The following CEP83 variants were observed in gnomAD, a reference collection of about 807,000 sequenced individuals.
CEP83 encodes the protein centrosomal protein 83, also known as centrosomal protein of 83 kDa.
A neutral mutation model predicts 101.9 loss-of-function variants in CEP83; 70 were observed. That is an observed-to-expected ratio of 0.69 (90% CI 0.57 to 0.84). CEP83 has a LOEUF of 0.84. Ranked by LOEUF, CEP83 falls within the 40% of genes least tolerant of loss-of-function variation. The pLI is 0.00. For synonymous variants in CEP83, 264 were observed against 267.9 expected, an observed-to-expected ratio of 0.99 and a Z score of 0.14; for missense variants, 715 against 787.2, an observed-to-expected ratio of 0.91 and a Z score of 1.10.
intron 4 of CEP83, among the ~76,000 whole-genome samples, chr12:94,406,884 G>A (rs913124806): frequency 6.0e-5 from 9 of 149,878 alleles, no homozygotes; most frequent in Non-Finnish European, 1.3e-4. Context: ...CCAAGATCGC[G>A]CCACTGCACT....
At chr12:94,417,911 G>A (rs1376353132) in intron 2 of CEP83, among the ~76,000 whole-genome samples, 3 of 152,174 alleles carry the variant, frequency 2.0e-5, no homozygotes, top group African/African-American at 7.2e-5. Flanking sequence ...TGACAGGAAT[G>A]TTATGGTTAT....
intron 2 of CEP83, among the ~76,000 whole-genome samples, chr12:94,432,198 G>T (rs945169398): frequency 1.3e-5 from 2 of 151,690 alleles, no homozygotes; most frequent in Non-Finnish European, 2.9e-5. Context: ...GGGACTACAG[G>T]CACCCACCAC....
chr12:94,397,475 G>A (rs1178041984), intron 6 of CEP83, among the ~76,000 whole-genome samples: 1 of 150,862 alleles, frequency 6.6e-6, no homozygotes, highest in Non-Finnish European at 1.5e-5. Context: ...CCCAGCCTGG[G>A]CGACAGAGCA....
chr12:94,356,582 C>G (rs976292510), intron 11 of CEP83, among the ~76,000 whole-genome samples: 2 of 152,242 alleles, frequency 1.3e-5, no homozygotes, highest in Non-Finnish European at 2.9e-5. Context: ...TGTTAGAATA[C>G]ATCCCCCAGA....
At chr12:94,277,404 C>T in the CEP83 span, among the ~76,000 whole-genome samples, 2 of 152,198 alleles carry the variant, frequency 1.3e-5, no homozygotes, top group South Asian at 4.1e-4. Flanking sequence ...AGAAACACCC[C>T]TGAGAACCTC....
intron 14 of CEP83, among the ~76,000 whole-genome samples, chr12:94,329,068 G>C (rs1313408425): frequency 6.6e-6 from 1 of 152,050 alleles, no homozygotes; most frequent in Non-Finnish European, 1.5e-5. Context: ...ACAATTCTAG[G>C]TCATAATCAT....
chr12:94,410,834 G>A (rs2063832747), intron 4 of CEP83, among the ~76,000 whole-genome samples: 1 of 152,266 alleles, frequency 6.6e-6, no homozygotes, highest in Admixed American at 6.5e-5. Flanking sequence ...CTCCAAGCCA[G>A]GCTTAGTGGT....
rs1259673543 is a variant in CEP83, at chr12:94,412,317, C to A, written c.173+1G>T. Reference sequence around the variant, plus strand: ...CCCACTTCTAGATTTAAGTAATTTACCTTGTGTGTTCAGCCTTCAGTGTCT... The same window carrying A: ...CCCACTTCTAGATTTAAGTAATTTAACTTGTGTGTTCAGCCTTCAGTGTCT... On this transcript the variant is annotated splice_donor_variant, in intron 3 of 16. Transcript: ENST00000397809. LOFTEE classifies it high-confidence loss of function. 1 of 1,589,842 alleles carries A rather than the reference C, an allele frequency of 6.3e-7. No individual in the cohort carries two copies.
chr12:94,361,284 T>C (rs1166056785), intron 11 of CEP83: 1 of 152,212 alleles, frequency 6.6e-6, no homozygotes, highest in Non-Finnish European at 1.5e-5. Flanking sequence ...GAGGATCACC[T>C]GAGTCCAGAA....
the CEP83 span, among the ~76,000 whole-genome samples, chr12:94,283,624 G>A: frequency 1.3e-5 from 2 of 152,216 alleles, no homozygotes; most frequent in Admixed American, 1.3e-4. Flanking sequence ...GGACAACTTG[G>A]TGGGTTGGGG....
intron 6 of CEP83, among the ~76,000 whole-genome samples, chr12:94,398,458 A>C (rs1016449669): frequency 1.3e-5 from 2 of 152,204 alleles, no homozygotes; most frequent in African/African-American, 2.4e-5. Context: ...TCCCAAATTA[A>C]TACTTTTATC....
chr12:94,386,850 C>G (rs184907006), intron 6 of CEP83, among the ~76,000 whole-genome samples: 1 of 152,240 alleles, frequency 6.6e-6, no homozygotes, highest in East Asian at 1.9e-4. Flanking sequence ...TTATCTAACT[C>G]CTAGCATTGT....
At chr12:94,400,801 T>C (rs748075295) in intron 6 of CEP83, 49 bp downstream of exon 6, 5 of 1,169,210 alleles carry the variant, frequency 4.3e-6, no homozygotes, top group Non-Finnish European at 5.6e-6. Flanking sequence ...ATTATAAAAT[T>C]GTGTTGACCA....
At position 94,367,955 on chromosome 12, in the gene CEP83, GATC is replaced by G. The variant is rs2137013138; in HGVS notation, c.1194-15_1194-13del. Reference sequence around the variant, plus strand: ...TCTCGAGTTCTAACCTAAAACAAGAGATCATAATTATGTTACAAGAACTATAAT... The same window carrying G: ...TCTCGAGTTCTAACCTAAAACAAGAGATAATTATGTTACAAGAACTATAAT... On this transcript the variant is annotated splice_polypyrimidine_tract_variant and intron_variant, in intron 10 of 16. Transcript: ENST00000397809. 8.7e-6 allele frequency: 14 copies of G among 1,610,500 alleles called. No individual in the cohort carries two copies. The highest frequency in any genetic ancestry group is 1.0e-5 in the Non-Finnish European group (12 of 1,178,222).
intron 14 of CEP83, among the ~76,000 whole-genome samples, chr12:94,317,180 G>T (rs934288900): frequency 3.3e-5 from 5 of 152,156 alleles, no homozygotes; most frequent in African/African-American, 1.2e-4. Flanking sequence ...CAGTGACATT[G>T]AGCTTTATTT....
At chr12:94,411,919 C>T (rs2063908530) in intron 3 of CEP83, 72 bp from the exon 4 acceptor site, 2 of 1,176,746 alleles carry the variant, frequency 1.7e-6, no homozygotes, top group Non-Finnish European at 1.2e-6. Context: ...TATGTAAAGT[C>T]AATCAACACC....
intron 11 of CEP83, among the ~76,000 whole-genome samples, chr12:94,360,143 T>C (rs2060676557): frequency 6.6e-6 from 1 of 152,086 alleles, no homozygotes; most frequent in Non-Finnish European, 1.5e-5. Context: ...ATGAATACCA[T>C]ATATGACAAA....
chr12:94,319,128 C>G (rs1249704487), intron 14 of CEP83, among the ~76,000 whole-genome samples: 2 of 152,086 alleles, frequency 1.3e-5, no homozygotes. Flanking sequence ...CTTCCTGGTT[C>G]TATCTTGGGA....
intron 15 of CEP83, among the ~76,000 whole-genome samples, chr12:94,312,339 A>C (rs55668192): frequency 0.011 from 1,664 of 152,278 alleles, 31 homozygotes; most frequent in African/African-American, 0.038. Flanking sequence ...ATTACAGAAA[A>C]ATCTATACTT....
Sources: allele counts gnomAD v4.1 joint callset (sites outside exome capture counted in the v4.1 genomes callset), GRCh38; gene constraint gnomAD v4.1.1; transcripts MANE v1.5; gene names NCBI Gene and HGNC (gene_info 2026-07-23, HGNC 2026-07-21).